RFX4: variants seen among roughly 807,000 people sequenced by gnomAD.
RFX4 encodes the protein regulatory factor X4.
A neutral mutation model predicts 95.0 loss-of-function variants in RFX4; 10 were observed. The ratio of observed to expected loss-of-function variants is 0.11; its 90% CI spans 0.06 to 0.18. RFX4 has a LOEUF of 0.18. Among genes scored for constraint, RFX4 ranks in the 10% least tolerant of loss-of-function variants. RFX4 has a pLI of 1.00. For synonymous variants in RFX4, 321 were observed against 340.7 expected (o/e 0.94, Z 0.64); for missense variants, 640 against 922.0 (o/e 0.69, Z 3.96).
At chr12:106,707,421 C>G (rs1592963998) in intron 8 of RFX4, among the ~76,000 whole-genome samples, 1 of 151,982 alleles carries the variant, frequency 6.6e-6, no homozygotes, top group East Asian at 1.9e-4. Flanking sequence ...GAGAAGAGAG[C>G]CCAGGACTAG....
At chr12:106,750,628 C>G (rs538157493) in intron 16 of RFX4, 27 bp from the exon 17 acceptor site, 1 of 1,560,002 alleles carries the variant, frequency 6.4e-7, no homozygotes, top group Non-Finnish European at 8.7e-7. Flanking sequence ...ATTACTCACA[C>G]TATTCAATGT....
intron 4 of RFX4, among the ~76,000 whole-genome samples, chr12:106,663,962 T>G (rs1047379609): frequency 6.6e-6 from 1 of 151,926 alleles, no homozygotes; most frequent in African/African-American, 2.4e-5. Flanking sequence ...TGGATTCAAT[T>G]TGCAAATATT....
At chr12:106,692,889 A>G (rs1172539548) in intron 7 of RFX4, among the ~76,000 whole-genome samples, 1 of 152,184 alleles carries the variant, frequency 6.6e-6, no homozygotes, top group Non-Finnish European at 1.5e-5. Flanking sequence ...TCTGAGAGTT[A>G]TATGTTTAGT....
intron 1 of RFX4, among the ~76,000 whole-genome samples, chr12:106,606,040 G>A (rs761199869): frequency 1.3e-5 from 2 of 152,138 alleles, no homozygotes; most frequent in African/African-American, 2.4e-5. Flanking sequence ...CTTGCGGGTG[G>A]GCACTGTGCT....
intron 2 of RFX4, among the ~76,000 whole-genome samples, chr12:106,624,551 T>C (rs2040251846): frequency 6.6e-6 from 1 of 152,042 alleles, no homozygotes; most frequent in Non-Finnish European, 1.5e-5. Flanking sequence ...ATGGTCTCAA[T>C]CTCTTGACCT....
intron 7 of RFX4, among the ~76,000 whole-genome samples, chr12:106,693,348 G>A (rs1246457314): frequency 1.4e-4 from 22 of 152,214 alleles, no homozygotes; most frequent in African/African-American, 2.4e-5. Flanking sequence ...GCTTCAAACA[G>A]ACAGATGCCT....
rs752356831 is a variant in RFX4 at position 106,709,461 on chromosome 12, A to G, written c.934+31A>G. On this transcript the variant is annotated intron_variant, in intron 9 of 17. Coordinates refer to ENST00000392842, the MANE Select transcript of RFX4 (RefSeq NM_213594.3). ...TACTGAGTTGAGAGCGGGATGGAAG[A>G]GAGAATTACATTTTAGTGCCAAATA... The G allele has an allele frequency of 9.8e-6, 15 of 1,534,538 alleles. No homozygotes were observed. In the African/African-American group the frequency reaches 1.8e-4, roughly 18 times the overall value.
intron 1 of RFX4, among the ~76,000 whole-genome samples, chr12:106,598,449 T>C (rs1302084715): frequency 1.3e-5 from 2 of 152,008 alleles, no homozygotes; most frequent in Non-Finnish European, 2.9e-5. Context: ...CTTATAGATA[T>C]GAGACTTGCG....
chr12:106,705,320 T>G (rs1391939989), intron 8 of RFX4, among the ~76,000 whole-genome samples: 1 of 152,078 alleles, frequency 6.6e-6, no homozygotes, highest in Non-Finnish European at 1.5e-5. Context: ...GGAGTTAAGA[T>G]GTAGGAGAAG....
chr12:106,715,949 A>G (rs1473336355), intron 11 of RFX4, among the ~76,000 whole-genome samples: 3 of 152,148 alleles, frequency 2.0e-5, no homozygotes, highest in Non-Finnish European at 4.4e-5. Flanking sequence ...CAGCCCACCT[A>G]TTGGTAGGTG....
intron 3 of RFX4, among the ~76,000 whole-genome samples, chr12:106,646,781 G>A (rs1177907913): frequency 6.6e-6 from 1 of 152,038 alleles, no homozygotes; most frequent in Non-Finnish European, 1.5e-5. Flanking sequence ...TTAAAGAGGA[G>A]GAAACCAAGG....
intron 13 of RFX4, among the ~76,000 whole-genome samples, chr12:106,729,172 AT>A (rs1353706977): frequency 1.3e-5 from 2 of 152,146 alleles, no homozygotes; most frequent in Admixed American, 6.5e-5. Flanking sequence ...ACTGGTTTGG[AT>A]TTTTATCATC....
chr12:106,660,877 A>G (rs1444271441), intron 4 of RFX4, among the ~76,000 whole-genome samples: 1 of 152,166 alleles, frequency 6.6e-6, no homozygotes, highest in African/African-American at 2.4e-5. Context: ...ATGAAAATCT[A>G]ATGCCTGATG....
At chr12:106,747,716 T>A (rs1593011539) in intron 16 of RFX4, 117 bp downstream of exon 16, 1 of 1,173,154 alleles carries the variant, frequency 8.5e-7, no homozygotes, top group East Asian at 2.4e-5. Flanking sequence ...GGCCTTGAAG[T>A]CAGGAGTTCG....
chr12:106,701,299 G>T (rs991167976), intron 8 of RFX4, among the ~76,000 whole-genome samples: 1 of 152,030 alleles, frequency 6.6e-6, no homozygotes, highest in Non-Finnish European at 1.5e-5. Flanking sequence ...CTCTGTCTTT[G>T]GTTTTTCAGT....
chr12:106,753,150 T>G (rs751427640), intron 17 of RFX4, among the ~76,000 whole-genome samples: 7 of 152,094 alleles, frequency 4.6e-5, no homozygotes, highest in Non-Finnish European at 8.8e-5. Flanking sequence ...GTTCAATTCT[T>G]TAGTATGTCT....
intron 2 of RFX4, among the ~76,000 whole-genome samples, chr12:106,609,303 A>G (rs1288085953): frequency 6.6e-6 from 1 of 152,186 alleles, no homozygotes; most frequent in East Asian, 1.9e-4. Context: ...GAAAGCAGAA[A>G]TTTCTTCCGG....
chr12:106,725,012 C>CAA (rs935572233), intron 13 of RFX4, among the ~76,000 whole-genome samples: 7 of 74,524 alleles, frequency 9.4e-5, no homozygotes, highest in African/African-American at 2.8e-4. Context: ...GACTCCATCT[C>CAA]AAAAAAAAAA....
At chr12:106,722,162 A>G (rs1437697571) in intron 13 of RFX4, among the ~76,000 whole-genome samples, 1 of 152,198 alleles carries the variant, frequency 6.6e-6, no homozygotes, top group African/African-American at 2.4e-5. Flanking sequence ...AGCACATGTT[A>G]CCTCTAGCTC....
Sources: allele counts gnomAD v4.1 joint callset (sites outside exome capture counted in the v4.1 genomes callset), GRCh38; gene constraint gnomAD v4.1.1; transcripts MANE v1.5; gene names NCBI Gene and HGNC (gene_info 2026-07-23, HGNC 2026-07-21).